Variants in PHF21A observed in about 807,000 individuals in gnomAD.
The protein encoded by PHF21A is PHD finger protein 21A.
PHF21A carries 11 observed loss-of-function variants against 82.5 expected under a neutral mutation model. The ratio of observed to expected loss-of-function variants is 0.13; its 90% CI spans 0.08 to 0.22. The LOEUF (loss-of-function observed/expected upper bound fraction) is 0.22. Among genes scored for constraint, PHF21A ranks in the 10% least tolerant of loss-of-function variants. PHF21A has a pLI of 1.00. For missense variants in PHF21A, 579 were observed against 837.8 expected (o/e 0.69, Z 3.81); for synonymous variants, 297 against 302.8 (o/e 0.98, Z 0.20).
chr11:46,077,655 T>C (rs976682861), intron 5 of PHF21A, among the ~76,000 whole-genome samples: 1 of 152,188 alleles, frequency 6.6e-6, no homozygotes, highest in African/African-American at 2.4e-5. Context: ...TTACTCCATG[T>C]GGACTTTTTT....
At chr11:45,960,579 TG>T (rs2093012994) in intron 10 of PHF21A, among the ~76,000 whole-genome samples, 1 of 152,212 alleles carries the variant, frequency 6.6e-6, no homozygotes, top group African/African-American at 2.4e-5. Flanking sequence ...GGTTTTATTT[TG>T]GGGTAATGAA....
chr11:45,952,874 A>C (rs2092290957), intron 11 of PHF21A, among the ~76,000 whole-genome samples: 1 of 152,252 alleles, frequency 6.6e-6, no homozygotes, highest in Non-Finnish European at 1.5e-5. Flanking sequence ...CTGCTTATGC[A>C]AAAACATCAA....
chr11:46,032,960 C>T (rs1165542598), intron 6 of PHF21A, among the ~76,000 whole-genome samples: 1 of 152,174 alleles, frequency 6.6e-6, no homozygotes, highest in Non-Finnish European at 1.5e-5. Flanking sequence ...TTTGGTACCT[C>T]TGAATCCCTA....
At chr11:46,100,644 A>G (rs1042789266) in intron 1 of PHF21A, among the ~76,000 whole-genome samples, 18 of 152,200 alleles carry the variant, frequency 1.2e-4, no homozygotes, top group Admixed American at 1.1e-3. Context: ...CACATTTTCA[A>G]TGCACAGGGG....
intron 6 of PHF21A, among the ~76,000 whole-genome samples, chr11:46,070,845 T>C (rs1437882398): frequency 6.6e-6 from 1 of 152,248 alleles, no homozygotes; most frequent in Admixed American, 6.5e-5. Flanking sequence ...TACTTCCTGA[T>C]AAGCATCAAA....
At chr11:45,977,717 G>A (rs1230717583) in intron 7 of PHF21A, among the ~76,000 whole-genome samples, 2 of 152,160 alleles carry the variant, frequency 1.3e-5, no homozygotes, top group East Asian at 3.8e-4. Flanking sequence ...TAGCCTTGGG[G>A]TGGTGATTAG....
chr11:46,092,847 T>A (rs2096942395), intron 1 of PHF21A, among the ~76,000 whole-genome samples: 2 of 146,674 alleles, frequency 1.4e-5, no homozygotes, highest in Admixed American at 1.4e-4. Flanking sequence ...AGCCTCAACC[T>A]CCCAGGCTCA....
chr11:46,024,706 A>G (rs147958121), intron 6 of PHF21A, among the ~76,000 whole-genome samples: 26 of 152,302 alleles, frequency 1.7e-4, no homozygotes, highest in Middle Eastern at 3.4e-3. Context: ...AGGCTGAGGC[A>G]GGAGAATAGC....
chr11:46,030,423 A>G (rs1290652975), intron 6 of PHF21A, among the ~76,000 whole-genome samples: 1 of 152,254 alleles, frequency 6.6e-6, no homozygotes, highest in Non-Finnish European at 1.5e-5. Flanking sequence ...ATTATGATCA[A>G]GAGATTATTC....
At chr11:46,084,494 G>GAAAAACC (rs2096832123) in intron 3 of PHF21A, among the ~76,000 whole-genome samples, 192 bp from the exon 4 acceptor site, 1 of 151,402 alleles carries the variant, frequency 6.6e-6, no homozygotes, top group Non-Finnish European at 1.5e-5. Context: ...ACTAAGAAAT[G>GAAAAACC]AAAAACCAAA....
chr11:46,073,541 G>A (rs751635128), intron 6 of PHF21A, among the ~76,000 whole-genome samples: 1 of 152,030 alleles, frequency 6.6e-6, no homozygotes, highest in Non-Finnish European at 1.5e-5. Context: ...ATACATAAGA[G>A]TATACAGAAA....
At chr11:45,945,336 T>C (rs375277864) in intron 15 of PHF21A, among the ~76,000 whole-genome samples, 43 of 152,302 alleles carry the variant, frequency 2.8e-4, no homozygotes, top group African/African-American at 9.9e-4. Flanking sequence ...TGACAGTTTT[T>C]CCGGAACCTG....
chr11:45,934,269 C>T, intron 18 of PHF21A, 44 bp from the exon 19 acceptor site: 1 of 1,581,952 alleles, frequency 6.3e-7, no homozygotes. Context: ...CGCCTGGTTT[C>T]TAACAGGCCT....
At chr11:46,086,046 A>G (rs2096852819) in intron 3 of PHF21A, among the ~76,000 whole-genome samples, 1 of 152,206 alleles carries the variant, frequency 6.6e-6, no homozygotes, top group Non-Finnish European at 1.5e-5. Context: ...AAAAGGCAGT[A>G]TATTTAAGGG....
Position 45,934,088 on chromosome 11 carries a change from C to T in PHF21A, c.1926G>A (p.Gly642=), listed in dbSNP as rs1328349598. The stretch of plus-strand genomic sequence containing the variant: ...TGCAGTCCGGGCCATTGGAGATGGC[C>T]CCCACAGTGGCCTCAGAGTCTACAG... ...SKPVDSEATV[G]AISNGPDCTP... is the part of the protein sequence containing the mutation. Residue 642 remains glycine, a synonymous_variant, in exon 19 of 19, where the codon GGG becomes GGA. Coordinates refer to ENST00000676320, the MANE Select transcript of PHF21A (RefSeq NM_001352027.3). 1.9e-6 allele frequency: 3 copies of T among 1,613,882 alleles called. No homozygotes were observed. Among genetic ancestry groups the T allele is most frequent in the African/African-American group, 2.7e-5 (2 of 74,878 alleles).
chr11:45,963,950 C>G (rs949163035), intron 10 of PHF21A, among the ~76,000 whole-genome samples: 1 of 151,846 alleles, frequency 6.6e-6, no homozygotes, highest in Non-Finnish European at 1.5e-5. Context: ...TGTAATCCCA[C>G]CACTTTGGGA....
intron 1 of PHF21A, among the ~76,000 whole-genome samples, chr11:46,107,999 T>C (rs994718975): frequency 6.6e-6 from 1 of 152,190 alleles, no homozygotes; most frequent in East Asian, 1.9e-4. Context: ...ATGTAGGGTA[T>C]CTTTACGCTG....
At chr11:46,062,914 A>T (rs978694577) in intron 6 of PHF21A, among the ~76,000 whole-genome samples, 3 of 152,208 alleles carry the variant, frequency 2.0e-5, no homozygotes, top group African/African-American at 7.2e-5. Flanking sequence ...GGGTTACAAA[A>T]AGCAGACCAG....
chr11:45,968,115 T>C (rs569808501), intron 9 of PHF21A, among the ~76,000 whole-genome samples: 1 of 152,354 alleles, frequency 6.6e-6, no homozygotes, highest in South Asian at 2.1e-4. Flanking sequence ...GTGCCTAGCA[T>C]AGTACCTAGT....
Sources: gnomAD v4.1 joint callset for allele counts (sites outside exome capture counted in the v4.1 genomes callset) on GRCh38, gnomAD v4.1.1 for gene constraint, MANE v1.5 for transcripts, NCBI Gene and HGNC (gene_info 2026-07-23, HGNC 2026-07-21) for gene names.